The following LATS2 variants were observed in gnomAD, a reference collection of about 807,000 sequenced individuals.
The protein encoded by LATS2 is serine/threonine-protein kinase LATS2.
A neutral mutation model predicts 76.0 loss-of-function variants in LATS2; 24 were observed. The ratio of observed to expected loss-of-function variants is 0.32; its 90% CI spans 0.23 to 0.44. The LOEUF (loss-of-function observed/expected upper bound fraction) is 0.44. Among genes scored for constraint, LATS2 ranks in the 20% least tolerant of loss-of-function variants. LATS2 has a pLI of 1.00. For synonymous variants in LATS2, 692 were observed against 635.4 expected, an observed-to-expected ratio of 1.09 and a Z score of -1.34; for missense variants, 1,286 against 1,481.2, an observed-to-expected ratio of 0.87 and a Z score of 2.16.
At chr13:21,061,085 G>A (rs1873627893) in intron 1 of LATS2, among the ~76,000 whole-genome samples, 2 of 151,626 alleles carry the variant, frequency 1.3e-5, no homozygotes, top group Admixed American at 1.3e-4. Flanking sequence ...CAACTTCCCC[G>A]GCTCCTCTGG....
intron 2 of LATS2, among the ~76,000 whole-genome samples, chr13:20,996,436 T>G (rs1450100427): frequency 2.0e-5 from 3 of 149,934 alleles, no homozygotes; most frequent in Non-Finnish European, 4.4e-5. Context: ...TGGAGTACAG[T>G]GGCGTAATAT....
chr13:20,992,779 G>A (rs565719171), intron 2 of LATS2, among the ~76,000 whole-genome samples: 29 of 152,268 alleles, frequency 1.9e-4, no homozygotes, highest in African/African-American at 6.7e-4. Flanking sequence ...GCTCACGCCT[G>A]TAATCCCAGC....
At chr13:21,013,505 G>A (rs1871679913) in intron 2 of LATS2, among the ~76,000 whole-genome samples, 1 of 152,180 alleles carries the variant, frequency 6.6e-6, no homozygotes, top group South Asian at 2.1e-4. Flanking sequence ...GGGTTACTTG[G>A]AAGGCTGCAC....
chr13:20,991,171 G>C lies in LATS2; in HGVS notation c.475+101C>G, dbSNP rs1346575929. 1.4e-6 allele frequency: 2 copies of C among 1,406,100 alleles called. No individual in the cohort carries two copies. Among genetic ancestry groups the C allele is most frequent in the Non-Finnish European group, 2.0e-6 (2 of 1,013,168 alleles). 87.1% of individuals were successfully genotyped at this position (1,406,100 alleles called of 1,614,324 possible). The stretch of plus-strand genomic sequence containing the variant: ...AATGAGGCAATGTGCCAGGAGACTG[G>C]CTCTGGCCAGGCCAGGCCAGGTTGG... On this transcript the variant is annotated intron_variant, in intron 3 of 7. Coordinates refer to ENST00000382592, the MANE Select transcript of LATS2 (RefSeq NM_014572.3). This position sits in a 1 kb window ranked among gnomAD's most constrained non-coding sequence, Gnocchi z 4.9.
At chr13:20,993,537 C>T (rs1870602695) in intron 2 of LATS2, among the ~76,000 whole-genome samples, 1 of 151,712 alleles carries the variant, frequency 6.6e-6, no homozygotes, top group South Asian at 2.1e-4. Flanking sequence ...GGGGAGGTGC[C>T]GCCACATGGG....
chr13:21,048,768 C>T (rs542527140), intron 1 of LATS2, among the ~76,000 whole-genome samples: 61 of 151,772 alleles, frequency 4.0e-4, no homozygotes, highest in African/African-American at 1.4e-3. Context: ...ACCAGGGAGG[C>T]GGGGGTTGCA....
chr13:21,056,764 T>C (rs1237652609), intron 1 of LATS2, among the ~76,000 whole-genome samples: 2 of 152,140 alleles, frequency 1.3e-5, no homozygotes, highest in Non-Finnish European at 2.9e-5. Flanking sequence ...CCTACTTCCA[T>C]GGAGGAGCAC....
At position 21,050,175 on chromosome 13, in the gene LATS2, G is replaced by C. The variant is rs575152529; in HGVS notation, c.-204-3945C>G. Among the ~76,000 whole-genome samples the C allele has an allele frequency of 4.0e-3, 313 of 78,956 alleles. 8 individuals carry two copies. In the Middle Eastern group the frequency reaches 0.048, roughly 12 times the overall value. The allele number at this position is 78,956 out of a possible 152,430, so 51.8% of individuals were successfully genotyped here. A position where few individuals can be genotyped will look rare whatever the true frequency, so the allele number is the denominator to read the frequency against. On this transcript the variant is annotated intron_variant, in intron 1 of 7. Coordinates refer to ENST00000382592, the MANE Select transcript of LATS2 (RefSeq NM_014572.3). ...ACATACATACATACATACATACATAGATGGAAAGCTGCTGAAAGCCAGGAG... is the reference window on the plus strand; with the variant it reads ...ACATACATACATACATACATACATACATGGAAAGCTGCTGAAAGCCAGGAG...
chr13:21,043,588 T>A (rs1408466778), intron 2 of LATS2, among the ~76,000 whole-genome samples: 4 of 152,162 alleles, frequency 2.6e-5, no homozygotes, highest in Non-Finnish European at 5.9e-5. Context: ...ATGAATTATT[T>A]CAAGGGCATT....
intron 2 of LATS2, among the ~76,000 whole-genome samples, chr13:21,014,347 G>C (rs1871714654): frequency 1.3e-5 from 2 of 151,986 alleles, no homozygotes; most frequent in South Asian, 4.2e-4. Context: ...TCAATACAGA[G>C]ACACATGAGC....
chr13:21,053,533 C>T (rs1873349366), intron 1 of LATS2, among the ~76,000 whole-genome samples: 1 of 152,182 alleles, frequency 6.6e-6, no homozygotes, highest in Non-Finnish European at 1.5e-5. Flanking sequence ...CAGGTAGTCA[C>T]TCAGCACCGA....
At chr13:21,020,945 T>C (rs750604597) in intron 2 of LATS2, among the ~76,000 whole-genome samples, 1 of 152,184 alleles carries the variant, frequency 6.6e-6, no homozygotes, top group Non-Finnish European at 1.5e-5. Context: ...TTTATTATCT[T>C]TAAGCCACAC....
chr13:21,029,245 C>T (rs1872427906), intron 2 of LATS2, among the ~76,000 whole-genome samples: 1 of 152,104 alleles, frequency 6.6e-6, no homozygotes, highest in African/African-American at 2.4e-5. Context: ...AGGAAGTTGC[C>T]TTTTATTCCT....
chr13:20,988,090 C>T lies in LATS2; in HGVS notation c.1690G>A (p.Asp564Asn), dbSNP rs752541920. ...GDKSRKSAKG[D>N]KGGKDKKQIQ... ...TGCTTTTTATCCTTTCCGCCTTTGT[C>T]CCCCTTGGCGCTTTTGCGGCTCTTG... Residue 564 changes from aspartate (D) to asparagine (N), a missense_variant, in exon 4 of 8, where the codon GAC becomes AAC. This residue lies in a region of LATS2 where 710 missense variants were observed against 660.9 expected (regional missense o/e 1.07). Coordinates refer to ENST00000382592, the MANE Select transcript of LATS2 (RefSeq NM_014572.3). 2 of 1,614,280 alleles carry T rather than the reference C, an allele frequency of 1.2e-6. No individual in the cohort carries two copies. Among genetic ancestry groups the T allele is most frequent in the Non-Finnish European group, 1.7e-6 (2 of 1,180,048 alleles).
intron 6 of LATS2, among the ~76,000 whole-genome samples, chr13:20,980,933 T>C (rs1355870565): frequency 6.6e-6 from 1 of 152,190 alleles, no homozygotes; most frequent in Non-Finnish European, 1.5e-5. Context: ...GAATGAAGCA[T>C]CCATCCAGGA....
In LATS2 at chr13:21,019,295, TTTGTTA is replaced by T. The variant is rs1016690159; in HGVS notation, c.342+26384_342+26389del. Among the ~76,000 whole-genome samples the T allele has an allele frequency of 1.2e-4, 13 of 108,770 alleles. 1 individual carries two copies. In the South Asian group the frequency reaches 2.0e-3, roughly 17 times the overall value. The allele number at this position is 108,770 out of a possible 152,430, so 71.4% of individuals were successfully genotyped here. ...AAATCACTTTGTATTCTCACTTGGA[TTTGTTA>T]TTATTATTATTATTATTATTATTAT... On this transcript the variant is annotated intron_variant, in intron 2 of 7. Coordinates refer to ENST00000382592, the MANE Select transcript of LATS2 (RefSeq NM_014572.3).
chr13:21,058,952 AACAT>A (rs1007201769), intron 1 of LATS2, among the ~76,000 whole-genome samples: 9 of 152,042 alleles, frequency 5.9e-5, no homozygotes, highest in Admixed American at 1.3e-4. Flanking sequence ...AAAAAAAAAA[AACAT>A]ACAAAGCAGC....
chr13:21,049,762 G>C (rs890131024), intron 1 of LATS2, among the ~76,000 whole-genome samples: 12 of 152,186 alleles, frequency 7.9e-5, no homozygotes, highest in Admixed American at 6.5e-4. Context: ...AAGGGAGTTG[G>C]GGGTGGCTGA....
At position 20,988,394 on chromosome 13, in the gene LATS2, G is replaced by A. The variant is rs1209076655; in HGVS notation, c.1386C>T (p.His462=). The change falls in exon 4 of 8, where the codon CAC becomes CAT. Residue 462 remains histidine (H), a synonymous_variant. Coordinates refer to ENST00000382592, the MANE Select transcript of LATS2 (RefSeq NM_014572.3). Reference sequence around the variant, plus strand: ...GGGCAGGCGCGGGCACCCAGGCGGGGTGCGAGGGCCCCACAGCCGTCTGCG... The same window carrying A: ...GGGCAGGCGCGGGCACCCAGGCGGGATGCGAGGGCCCCACAGCCGTCTGCG... ...PEPQTAVGPS[H]PAWVPAPAPA... 7.2e-7 allele frequency: 1 copy of A among 1,386,320 alleles called. No individual in the cohort carries two copies. Among genetic ancestry groups the A allele is most frequent in the Non-Finnish European group, 9.3e-7 (1 of 1,080,652 alleles). 85.9% of individuals were successfully genotyped at this position (1,386,320 alleles called of 1,614,324 possible).
Sources: gnomAD v4.1 joint callset for allele counts (sites outside exome capture counted in the v4.1 genomes callset) on GRCh38, gnomAD v4.1.1 for gene constraint, gnomAD v4.1.1 regional missense constraint, Gnocchi (gnomAD v3.1) non-coding constraint, MANE v1.5 for transcripts, NCBI Gene and HGNC (gene_info 2026-07-23, HGNC 2026-07-21) for gene names.